The following TMEM268 variants were observed in gnomAD, a reference collection of about 807,000 sequenced individuals.
TMEM268 encodes the protein transmembrane protein C9orf91.
In TMEM268, 24 loss-of-function variants were observed where a neutral mutation model predicts 39.1. The ratio of observed to expected loss-of-function variants is 0.61; its 90% CI spans 0.44 to 0.86. TMEM268 has a LOEUF of 0.86. Among genes scored for constraint, TMEM268 ranks in the 40% least tolerant of loss-of-function variants. The pLI is 0.00. For missense variants in TMEM268, 409 were observed against 428.6 expected, an observed-to-expected ratio of 0.95 and a Z score of 0.40; for synonymous variants, 176 against 173.5, an observed-to-expected ratio of 1.01 and a Z score of -0.12.
At chr9:114,607,788 C>G (rs955738235), upstream of TMEM268, among the ~76,000 whole-genome samples, 35 of 152,184 alleles carry the variant, frequency 2.3e-4, no homozygotes, top group African/African-American at 7.5e-4. Flanking sequence ...AGCTGAAACC[C>G]GAGAATGAGT....
At chr9:114,623,918 C>T (rs1175836033) in intron 2 of TMEM268, among the ~76,000 whole-genome samples, 1 of 152,182 alleles carries the variant, frequency 6.6e-6, no homozygotes, top group African/African-American at 2.4e-5. Flanking sequence ...ACTCTCTGAG[C>T]CTACTGGGAA....
chr9:114,627,842 C>A (rs945974120), intron 4 of TMEM268, among the ~76,000 whole-genome samples: 2 of 152,294 alleles, frequency 1.3e-5, no homozygotes, highest in East Asian at 3.9e-4. Context: ...ATCCACCTGC[C>A]TTTTTCTGTT....
At chr9:114,629,037 C>G (rs1373663028) in intron 5 of TMEM268, among the ~76,000 whole-genome samples, 2 of 152,194 alleles carry the variant, frequency 1.3e-5, no homozygotes, top group Non-Finnish European at 2.9e-5. Flanking sequence ...TCGAGGAACC[C>G]TAGACTCAGG....
Position 114,643,749 on chromosome 9 carries a change from CAG to C in TMEM268, c.*441_*442del, listed in dbSNP as rs575159105. 1.2e-3 allele frequency: 183 copies of C among 157,556 alleles called. 1 individual carries two copies. Among genetic ancestry groups the C allele is most frequent in the Non-Finnish European group, 2.1e-3 (152 of 71,426 alleles). 9.8% of individuals were successfully genotyped at this position (157,556 alleles called of 1,614,324 possible). A position where few individuals can be genotyped will look rare whatever the true frequency, so the allele number is the denominator to read the frequency against. On this transcript the variant is annotated 3_prime_UTR_variant, in exon 9 of 9. Transcript: ENST00000288502. The stretch of plus-strand genomic sequence containing the variant: ...CATGCCAGATGGGGAAACTGAGGCT[CAG>C]AGAGGATACTGCTCTATGTGGCATT...
intron 6 of TMEM268, among the ~76,000 whole-genome samples, chr9:114,635,532 AGCTGGGCAT>A (rs375943642): frequency 9.1e-4 from 138 of 152,098 alleles, no homozygotes; most frequent in African/African-American, 3.2e-3. Context: ...TACAAAAACT[AGCTGGGCAT>A]GGTGTCGCAT....
At position 114,620,687 on chromosome 9, in the gene TMEM268, C is replaced by T. The variant is rs117640163; in HGVS notation, c.106+3386C>T. Among the ~76,000 whole-genome samples the T allele has an allele frequency of 4.8e-4, 73 of 152,272 alleles. No individual in the cohort carries two copies. The East Asian group carries it at 8.9e-3, about 18-fold the overall frequency. On this transcript the variant is annotated intron_variant, in intron 2 of 8. Coordinates refer to ENST00000288502, the MANE Select transcript of TMEM268 (RefSeq NM_153045.4). ...GCTTGCTTTTAAATTATGAAAATAG[C>T]AGCCAGTTATTTTGTACCCATCTTG...
chr9:114,620,341 C>T (rs1845899664), intron 2 of TMEM268, among the ~76,000 whole-genome samples: 1 of 152,148 alleles, frequency 6.6e-6, no homozygotes, highest in Non-Finnish European at 1.5e-5. Context: ...ACCTCCCAGG[C>T]TCAGGTGATC....
At chr9:114,614,815 T>G (rs535443909) in intron 1 of TMEM268, among the ~76,000 whole-genome samples, 35 of 151,866 alleles carry the variant, frequency 2.3e-4, no homozygotes, top group African/African-American at 7.5e-4. Context: ...GAGGTAAATG[T>G]GCAGGTTGCT....
intron 2 of TMEM268, chr9:114,624,112 T>C (rs750175985): frequency 9.2e-6 from 6 of 654,286 alleles, no homozygotes; most frequent in African/African-American, 1.9e-5. Flanking sequence ...TTCTTCCTTA[T>C]ATGGTCTCAC....
At chr9:114,643,030 G>T in intron 8 of TMEM268, 104 bp from the exon 9 acceptor site, 1 of 1,198,584 alleles carries the variant, frequency 8.3e-7, no homozygotes. Context: ...CATCACTGCT[G>T]GGTCCAGGGG....
rs765900268 is a variant in TMEM268, at chr9:114,633,753, G to C, written c.475-15G>C. 1.3e-6 allele frequency: 2 copies of C among 1,490,992 alleles called. No homozygotes were observed. The highest frequency in any genetic ancestry group is 2.8e-5 in the African/African-American group (2 of 71,744). 92.4% of individuals were successfully genotyped at this position (1,490,992 alleles called of 1,614,324 possible). ...GCATGGAGGTCTGGTGATGGGCCTG[G>C]CGTTTGTCTTACAGGCCAACACCAA... On this transcript the variant is annotated splice_polypyrimidine_tract_variant and intron_variant, in intron 5 of 8. Transcript: ENST00000288502.
At chr9:114,642,904 G>A (rs1010300263) in intron 8 of TMEM268, among the ~76,000 whole-genome samples, 1 of 152,146 alleles carries the variant, frequency 6.6e-6, no homozygotes, top group Non-Finnish European at 1.5e-5. Context: ...TTGGCAACGA[G>A]GACATTGAGG....
chr9:114,644,595 A>C lies in TMEM268; in HGVS notation c.*1282A>C, dbSNP rs1173497644. 1 of 103,530 alleles carries C rather than the reference A, an allele frequency of 9.7e-6. No homozygotes were observed. The highest frequency in any genetic ancestry group is 3.2e-5 in the African/African-American group (1 of 31,298). 6.4% of individuals were successfully genotyped at this position (103,530 alleles called of 1,614,324 possible). A position where few individuals can be genotyped will look rare whatever the true frequency, so the allele number is the denominator to read the frequency against. Reference sequence around the variant, plus strand: ...TGTGCATGACCTGGACCTGCTAAGGAAAAAAAAATCTTGTGGATTGATTGC... The same window carrying C: ...TGTGCATGACCTGGACCTGCTAAGGCAAAAAAAATCTTGTGGATTGATTGC... On this transcript the variant is annotated 3_prime_UTR_variant, in exon 9 of 9. Transcript: ENST00000288502.
At chr9:114,619,500 G>C (rs1462628659) in intron 2 of TMEM268, among the ~76,000 whole-genome samples, 1 of 152,158 alleles carries the variant, frequency 6.6e-6, no homozygotes, top group Non-Finnish European at 1.5e-5. Flanking sequence ...TGCATTGCTT[G>C]GGCAAACACG....
In TMEM268 at chr9:114,633,781, C is replaced by T. The variant is rs201526878; in HGVS notation, c.488C>T (p.Thr163Met). ...TTTGTCTTACAGGCCAACACCAACA[C>T]GGACCTGAGGCTGGCAGCTGCCAAT... ...ERHQKKANTN[T>M]DLRLAAANGA... Residue 163 changes from threonine (T) to methionine (M), a missense_variant, in exon 6 of 9, where the codon ACG becomes ATG. Transcript: ENST00000288502. The T allele has an allele frequency of 2.6e-5, 42 of 1,593,078 alleles. No individual in the cohort carries two copies. Among genetic ancestry groups the T allele is most frequent in the Admixed American group, 7.0e-5 (4 of 57,230 alleles).
At chr9:114,608,094 CCTACTTTCACT>C (rs1845390350), upstream of TMEM268, among the ~76,000 whole-genome samples, 1 of 152,162 alleles carries the variant, frequency 6.6e-6, no homozygotes, top group South Asian at 2.1e-4. Flanking sequence ...TGGATTTCAC[CCTACTTTCACT>C]GGATTCTATT....
At chr9:114,616,106 C>G (rs867738548) in intron 1 of TMEM268, among the ~76,000 whole-genome samples, 1 of 149,168 alleles carries the variant, frequency 6.7e-6, no homozygotes, top group Non-Finnish European at 1.5e-5. Context: ...AGCTCCACCC[C>G]CCGGGTTCAC....
intron 2 of TMEM268, 53 bp downstream of exon 2, chr9:114,617,354 G>T: frequency 7.3e-7 from 1 of 1,368,614 alleles, no homozygotes; most frequent in Non-Finnish European, 1.0e-6. Flanking sequence ...TGCTGAACTG[G>T]ACTCACAGGG....
intron 5 of TMEM268, among the ~76,000 whole-genome samples, chr9:114,631,282 CAAAAAAAAAAA>C (rs3035421): frequency 0.69 from 90,841 of 130,872 alleles, 29,268 homozygotes; most frequent in East Asian, 0.73. Context: ...CAGCCTGCCT[CAAAAAAAAAAA>C]AAAAAAAAAA....
Sources: gnomAD v4.1 joint callset for allele counts (sites outside exome capture counted in the v4.1 genomes callset) on GRCh38, gnomAD v4.1.1 for gene constraint, MANE v1.5 for transcripts, NCBI Gene and HGNC (gene_info 2026-07-23, HGNC 2026-07-21) for gene names.